KIF13A: variants seen among roughly 807,000 people sequenced by gnomAD.
KIF13A encodes the protein kinesin family member 13A.
KIF13A carries 79 observed loss-of-function variants against 212.2 expected under a neutral mutation model. The ratio of observed to expected loss-of-function variants is 0.37; its 90% CI spans 0.31 to 0.45. The LOEUF is 0.45. Ranked by LOEUF, KIF13A falls within the 20% of genes least tolerant of loss-of-function variation. KIF13A has a pLI of 1.00. For synonymous variants in KIF13A, 789 were observed against 808.6 expected (o/e 0.98, Z 0.41); for missense variants, 1,901 against 2,209.0 (o/e 0.86, Z 2.79).
Position 17,987,393 on chromosome 6 carries a change from GC to G in KIF13A, c.55+15del. 1 of 1,361,486 alleles carries G rather than the reference GC, an allele frequency of 7.3e-7. No homozygotes were observed. Among genetic ancestry groups the G allele is most frequent in the Non-Finnish European group, 9.7e-7 (1 of 1,028,420 alleles). 84.3% of individuals were successfully genotyped at this position (1,361,486 alleles called of 1,614,324 possible). ...TCAGCCCGAGCAGAAATAAAAAAGA[GC>G]GGAAAGCTCCTCACCTCGTCGGTTC... On this transcript the variant is annotated intron_variant, in intron 1 of 38. Coordinates refer to ENST00000259711, the MANE Select transcript of KIF13A (RefSeq NM_022113.6). The surrounding 1 kb of genome is among the most constrained non-coding windows in gnomAD (Gnocchi z 7.7).
Position 17,883,197 on chromosome 6 carries a change from A to G in KIF13A, c.160-9760T>C, listed in dbSNP as rs1315655778. On this transcript the variant is annotated intron_variant, in intron 3 of 38. Transcript: ENST00000259711. This position sits in a 1 kb window ranked among gnomAD's most constrained non-coding sequence, Gnocchi z 4.8. ...CAACATAGTCTCTACAAAAAATAACATTAGCCAGCTGCAGGGGCATGTGCC... is the reference window on the plus strand; with the variant it reads ...CAACATAGTCTCTACAAAAAATAACGTTAGCCAGCTGCAGGGGCATGTGCC... Among the ~76,000 whole-genome samples the G allele has an allele frequency of 6.6e-6, 1 of 152,110 alleles. No individual in the cohort carries two copies. The highest frequency in any genetic ancestry group is 2.4e-5 in the African/African-American group (1 of 41,422).
intron 2 of KIF13A, among the ~76,000 whole-genome samples, chr6:17,955,722 T>G (rs1319666195): frequency 6.6e-6 from 1 of 152,238 alleles, no homozygotes; most frequent in Non-Finnish European, 1.5e-5. Context: ...GCTAAGTCTA[T>G]AAGATGGCAA....
chr6:17,849,401 A>G lies in KIF13A; in HGVS notation c.806T>C (p.Leu269Pro). ...CTTGTTAATGTTGCTGCCTTCTTTC[A>G]GTCGCTCTCCTGCAGCTCCTGTTTT... ...VSKTGAAGER[L>P]KEGSNINKSL... Residue 269 changes from leucine to proline, a missense_variant, in exon 9 of 39, where the codon CTG (leucine) becomes CCG (proline). Physicochemically the swap from Leu to Pro is moderately conservative, Grantham distance 98 (BLOSUM62 -3). Around this residue, in one of 5 missense-constraint regions of KIF13A, gnomAD observed 506 missense variants for 637.4 expected, o/e 0.79. Transcript: ENST00000259711. The surrounding 1 kb of genome is among the most constrained non-coding windows in gnomAD (Gnocchi z 5.7). 1 of 1,613,246 alleles carries G rather than the reference A, an allele frequency of 6.2e-7. No individual in the cohort carries two copies. The highest frequency in any genetic ancestry group is 8.5e-7 in the Non-Finnish European group (1 of 1,179,578).
chr6:17,907,692 T>A (rs1773645858), intron 2 of KIF13A, among the ~76,000 whole-genome samples: 1 of 152,100 alleles, frequency 6.6e-6, no homozygotes, highest in Non-Finnish European at 1.5e-5. Context: ...TGCAGATGTG[T>A]TGGGAGCAAA....
chr6:17,975,886 G>A (rs1437273549), intron 2 of KIF13A, among the ~76,000 whole-genome samples: 1 of 152,032 alleles, frequency 6.6e-6, no homozygotes, highest in Non-Finnish European at 1.5e-5. Context: ...GCTAGATACA[G>A]AGTGCCGATT....
At position 17,915,951 on chromosome 6, in the gene KIF13A, AAATAAAAAT is replaced by A. The variant is rs1232285573; in HGVS notation, c.147-17780_147-17772del. ...GAGCCAGTCTCAAAAAAAAAAATAA[AAATAAAAAT>A]AAAATAAAATAAAATAAATTACAGT... On this transcript the variant is annotated intron_variant, in intron 2 of 38. Coordinates refer to ENST00000259711, the MANE Select transcript of KIF13A (RefSeq NM_022113.6). This position sits in a 1 kb window ranked among gnomAD's most constrained non-coding sequence, Gnocchi z 4.4. Among the ~76,000 whole-genome samples the A allele has an allele frequency of 3.1e-4, 40 of 127,412 alleles. No individual in the cohort carries two copies. In the East Asian group the frequency reaches 7.1e-3, roughly 23 times the overall value. 83.6% of individuals were successfully genotyped at this position (127,412 alleles called of 152,430 possible).
intron 2 of KIF13A, among the ~76,000 whole-genome samples, chr6:17,939,909 G>A (rs1208198417): frequency 1.3e-5 from 2 of 151,974 alleles, no homozygotes; most frequent in African/African-American, 2.4e-5. Flanking sequence ...GCGTGGTGGC[G>A]GGCGCCTATA....
chr6:17,792,164 T>C (rs1396584261), intron 25 of KIF13A, among the ~76,000 whole-genome samples: 6 of 130,604 alleles, frequency 4.6e-5, no homozygotes, highest in African/African-American at 8.7e-5. Flanking sequence ...GATTGCACCA[T>C]TGCACTCCAG....
At chr6:17,953,809 A>T (rs1408489290) in intron 2 of KIF13A, 1 of 178,526 alleles carries the variant, frequency 5.6e-6, no homozygotes, top group Non-Finnish European at 1.2e-5. Context: ...GGGAATAGGT[A>T]GGCTTCTGTA....
At position 17,797,295 on chromosome 6, in the gene KIF13A, C is replaced by T. The variant is rs186646115; in HGVS notation, c.2791-475G>A. Among the ~76,000 whole-genome samples, 289 of 152,104 alleles carry T rather than the reference C, an allele frequency of 1.9e-3. 6 individuals carry two copies. In the East Asian group the frequency reaches 0.034, roughly 18 times the overall value. Reference sequence around the variant, plus strand: ...CCACCTGCCTCGGCCTCCCACAGTGCTGGGATTACAGGTGTGAGCCACCAT... The same window carrying T: ...CCACCTGCCTCGGCCTCCCACAGTGTTGGGATTACAGGTGTGAGCCACCAT... On this transcript the variant is annotated intron_variant, in intron 22 of 38. Coordinates refer to ENST00000259711, the MANE Select transcript of KIF13A (RefSeq NM_022113.6).
At position 17,971,459 on chromosome 6, in the gene KIF13A, T is replaced by C. The variant is rs531839184; in HGVS notation, c.146+15595A>G. Among the ~76,000 whole-genome samples, 1 of 152,226 alleles carries C rather than the reference T, an allele frequency of 6.6e-6. No homozygotes were observed. The highest frequency in any genetic ancestry group is 2.4e-5 in the African/African-American group (1 of 41,518). Reference sequence around the variant, plus strand: ...TTTTTTGACACAGGGTCTCACTCTGTCGCCCAGGCTGGAGTGCAGTGGTGT... The same window carrying C: ...TTTTTTGACACAGGGTCTCACTCTGCCGCCCAGGCTGGAGTGCAGTGGTGT... On this transcript the variant is annotated intron_variant, in intron 2 of 38. Coordinates refer to ENST00000259711, the MANE Select transcript of KIF13A (RefSeq NM_022113.6). The surrounding 1 kb of genome is among the most constrained non-coding windows in gnomAD (Gnocchi z 4.2).
chr6:17,922,145 G>C (rs1176873635), intron 2 of KIF13A, among the ~76,000 whole-genome samples: 3 of 152,080 alleles, frequency 2.0e-5, no homozygotes. Flanking sequence ...GCAGACACAG[G>C]GCTTTAACTC....
downstream of KIF13A, among the ~76,000 whole-genome samples, chr6:17,761,387 A>AT (rs34270855): frequency 0.12 from 17,433 of 147,674 alleles, 1,281 homozygotes; most frequent in African/African-American, 0.21. Context: ...GGCCGCCAAA[A>AT]TTTTTTTTTT....
In KIF13A at chr6:17,771,672, A is replaced by T. The variant is rs1052277146; in HGVS notation, c.4476+236T>A. On this transcript the variant is annotated intron_variant, in intron 37 of 38. Transcript: ENST00000259711. The surrounding 1 kb of genome is among the most constrained non-coding windows in gnomAD (Gnocchi z 5.4). ...AAAACATCTTTCTCACTTGAAACAT[A>T]AAAAAATACTTTGAAAAGCCATAAA... The T allele has an allele frequency of 1.2e-5, 5 of 425,710 alleles. No individual in the cohort carries two copies. In the Admixed American group the frequency reaches 1.5e-4, roughly 13 times the overall value. The allele number at this position is 425,710 out of a possible 1,614,324, so 26.4% of individuals were successfully genotyped here.
intron 2 of KIF13A, among the ~76,000 whole-genome samples, chr6:17,927,439 T>C (rs940113708): frequency 2.0e-5 from 3 of 152,150 alleles, no homozygotes; most frequent in Non-Finnish European, 4.4e-5. Flanking sequence ...TCTACTTACA[T>C]GAGGTACCCA....
chr6:17,863,396 A>G (rs1332094546), intron 4 of KIF13A, among the ~76,000 whole-genome samples: 1 of 151,002 alleles, frequency 6.6e-6, no homozygotes, highest in African/African-American at 2.4e-5. Context: ...AACACTGAGA[A>G]GGGTACAGGG....
At position 17,771,319 on chromosome 6, in the gene KIF13A, T is replaced by A. The variant is rs1759477316; in HGVS notation, c.4477-101A>T. 2 of 728,836 alleles carry A rather than the reference T, an allele frequency of 2.7e-6. No individual in the cohort carries two copies. 45.1% of individuals were successfully genotyped at this position (728,836 alleles called of 1,614,324 possible). The stretch of plus-strand genomic sequence containing the variant: ...GTTAGAAAAGCAATGCTAACACTCT[T>A]ATTACATGTGAGTAATGCAGCAGCC... On this transcript the variant is annotated intron_variant, in intron 37 of 38. Transcript: ENST00000259711. The surrounding 1 kb of genome is among the most constrained non-coding windows in gnomAD (Gnocchi z 5.4).
chr6:17,953,513 TCAGAGG>T (rs1778061879), intron 2 of KIF13A: 1 of 152,196 alleles, frequency 6.6e-6, no homozygotes, highest in Non-Finnish European at 1.5e-5. Flanking sequence ...TCCACCAAGT[TCAGAGG>T]CAGAGGCTTG....
intron 2 of KIF13A, among the ~76,000 whole-genome samples, chr6:17,941,527 T>C (rs1776954341): frequency 6.6e-6 from 1 of 152,136 alleles, no homozygotes. Context: ...TAATGCATTA[T>C]GACTGGTGTC....
Sources: allele counts gnomAD v4.1 joint callset (sites outside exome capture counted in the v4.1 genomes callset), GRCh38; gene constraint gnomAD v4.1.1; regional missense constraint gnomAD v4.1.1; non-coding constraint Gnocchi (gnomAD v3.1); transcripts MANE v1.5; gene names NCBI Gene and HGNC (gene_info 2026-07-23, HGNC 2026-07-21).